LPP: variants seen among roughly 807,000 people sequenced by gnomAD.
LPP encodes LIM domain containing preferred translocation partner in lipoma, also known as lipoma-preferred partner.
A neutral mutation model predicts 60.4 loss-of-function variants in LPP; 38 were observed. The ratio of observed to expected loss-of-function variants is 0.63; its 90% CI spans 0.49 to 0.83. The LOEUF is 0.83. Among genes scored for constraint, LPP ranks in the 40% least tolerant of loss-of-function variants. The pLI is 0.00. For missense variants in LPP, 902 were observed against 783.6 expected (o/e 1.15, Z -1.80); for synonymous variants, 328 against 290.8 (o/e 1.13, Z -1.30).
At chr3:188,559,837 A>G (rs1302464951) in intron 6 of LPP, among the ~76,000 whole-genome samples, 2 of 152,156 alleles carry the variant, frequency 1.3e-5, no homozygotes, top group Non-Finnish European at 2.9e-5. Flanking sequence ...GAAAATGTGA[A>G]TGTAACACTG....
intron 3 of LPP, among the ~76,000 whole-genome samples, chr3:188,382,115 G>T (rs1281395794): frequency 6.6e-6 from 1 of 152,042 alleles, no homozygotes; most frequent in Non-Finnish European, 1.5e-5. Flanking sequence ...AGAGAAAAAA[G>T]CCCTGCTTTC....
At chr3:188,401,831 G>A (rs1448829981) in intron 3 of LPP, among the ~76,000 whole-genome samples, 1 of 152,164 alleles carries the variant, frequency 6.6e-6, no homozygotes, top group Non-Finnish European at 1.5e-5. Flanking sequence ...CTGTGGGATT[G>A]TACTATAAGG....
intron 8 of LPP, among the ~76,000 whole-genome samples, chr3:188,755,809 CAAAAAAAAAAAAAAAAAAAAAA>C (rs58696911): frequency 2.7e-5 from 2 of 73,992 alleles, no homozygotes; most frequent in African/African-American, 5.2e-5. Context: ...GATCCTGTCA[CAAAAAAAAAAAAAAAAAAAAAA>C]AAAAAAAAAA....
Position 188,609,153 on chromosome 3 carries a change from C to A in LPP, c.430-8C>A, listed in dbSNP as rs370194024. ...TTCTTTCTTTCTTTTTTTTCCTATT[C>A]TTTTTAGAGCTCCACTGGTTCAACA... is the stretch of plus-strand genomic sequence containing the variant. On this transcript the variant is annotated splice_polypyrimidine_tract_variant and splice_region_variant and intron_variant, in intron 6 of 11. Transcript: ENST00000617246. The surrounding 1 kb of genome is among the most constrained non-coding windows in gnomAD (Gnocchi z 6.9). 16 of 1,524,456 alleles carry A rather than the reference C, an allele frequency of 1.0e-5. No individual in the cohort carries two copies. In the African/African-American group the frequency reaches 2.0e-4, roughly 19 times the overall value. The allele number at this position is 1,524,456 out of a possible 1,614,324, so 94.4% of individuals were successfully genotyped here.
chr3:188,852,464 G>T (rs1762892278), intron 9 of LPP, among the ~76,000 whole-genome samples: 1 of 152,226 alleles, frequency 6.6e-6, no homozygotes, highest in Non-Finnish European at 1.5e-5. Flanking sequence ...ACAGTGTTGA[G>T]AAGTGGGGTA....
intron 8 of LPP, among the ~76,000 whole-genome samples, chr3:188,734,742 T>G (rs1577259218): frequency 6.6e-6 from 1 of 152,214 alleles, no homozygotes; most frequent in East Asian, 1.9e-4. Flanking sequence ...TGAAGGCAGG[T>G]GCACGGATTA....
chr3:188,237,126 A>G (rs73057698), intron 2 of LPP, among the ~76,000 whole-genome samples: 2,560 of 152,174 alleles, frequency 0.017, 66 homozygotes, highest in African/African-American at 0.056. Flanking sequence ...ACCAGGGGTA[A>G]TTTCCATCTC....
chr3:188,607,457 G>A (rs66979134), intron 6 of LPP, among the ~76,000 whole-genome samples: 35,451 of 134,896 alleles, frequency 0.26, 5,266 homozygotes, highest in Non-Finnish European at 0.33. Context: ...CTTACATCAC[G>A]GGAGCTGGAA....
chr3:188,453,707 CA>C (rs1797116643), intron 4 of LPP, among the ~76,000 whole-genome samples: 1 of 151,984 alleles, frequency 6.6e-6, no homozygotes, highest in Non-Finnish European at 1.5e-5. Context: ...TAGTATTTAT[CA>C]AAATAGTACC....
At chr3:188,215,894 C>T (rs1560118348) in intron 1 of LPP, among the ~76,000 whole-genome samples, 1 of 152,182 alleles carries the variant, frequency 6.6e-6, no homozygotes, top group South Asian at 2.1e-4. Flanking sequence ...TTACACCTTG[C>T]TATGGCATTT....
chr3:188,237,918 A>G (rs1166798279), intron 2 of LPP, among the ~76,000 whole-genome samples: 2 of 152,220 alleles, frequency 1.3e-5, no homozygotes, highest in African/African-American at 2.4e-5. Flanking sequence ...GAAGCCAGGT[A>G]TTGATTTCTT....
chr3:188,516,561 T>C (rs1448055971), intron 5 of LPP, among the ~76,000 whole-genome samples: 1 of 151,550 alleles, frequency 6.6e-6, no homozygotes, highest in South Asian at 2.1e-4. Context: ...TTAAGGGAAA[T>C]AAACTATAAA....
chr3:188,753,631 T>A (rs1039685856), intron 8 of LPP, among the ~76,000 whole-genome samples: 2 of 151,892 alleles, frequency 1.3e-5, no homozygotes, highest in South Asian at 2.1e-4. Flanking sequence ...TTTTTTGTTT[T>A]TTTTTACTTT....
At chr3:188,307,222 G>A (rs1311474596) in intron 2 of LPP, among the ~76,000 whole-genome samples, 1 of 152,204 alleles carries the variant, frequency 6.6e-6, no homozygotes, top group Non-Finnish European at 1.5e-5. Context: ...AGGTCACACA[G>A]ATGAAATGTG....
chr3:188,766,074 G>A (rs1734017513), intron 9 of LPP, among the ~76,000 whole-genome samples: 1 of 151,572 alleles, frequency 6.6e-6, no homozygotes, highest in Admixed American at 6.6e-5. Flanking sequence ...GTTTAACCAT[G>A]TTGGCCAGGC....
At chr3:188,262,066 G>A (rs144196657) in intron 2 of LPP, among the ~76,000 whole-genome samples, 200 of 152,306 alleles carry the variant, frequency 1.3e-3, no homozygotes, top group African/African-American at 4.8e-3. Context: ...CTACATGCTG[G>A]GGTTGACGAA....
At chr3:188,765,487 C>G (rs6789347) in intron 9 of LPP, among the ~76,000 whole-genome samples, 39,286 of 152,004 alleles carry the variant, frequency 0.26, 5,604 homozygotes, top group East Asian at 0.65. Flanking sequence ...ATTCATACAG[C>G]CCCTTACATT....
intron 4 of LPP, among the ~76,000 whole-genome samples, chr3:188,427,321 T>C (rs2204107): frequency 0.97 from 147,238 of 152,320 alleles, 71,349 homozygotes; most frequent in East Asian, 1. Context: ...CAGAGAGATC[T>C]GCTGTTAGTC....
chr3:188,562,792 G>A (rs767861676), intron 6 of LPP, among the ~76,000 whole-genome samples: 82 of 151,996 alleles, frequency 5.4e-4, no homozygotes, highest in African/African-American at 1.8e-3. Context: ...AAAATCCTAC[G>A]GCCTCGTTTG....
Sources: allele counts gnomAD v4.1 joint callset (sites outside exome capture counted in the v4.1 genomes callset), GRCh38; gene constraint gnomAD v4.1.1; non-coding constraint Gnocchi (gnomAD v3.1); transcripts MANE v1.5; gene names NCBI Gene and HGNC (gene_info 2026-07-23, HGNC 2026-07-21).